PCDHGA4: variants seen among roughly 807,000 people sequenced by gnomAD.
PCDHGA4 encodes protocadherin gamma-A4.
PCDHGA4 carries 38 observed loss-of-function variants against 54.6 expected under a neutral mutation model. The observed-to-expected ratio is 0.70, with a 90% CI of 0.54 to 0.91. PCDHGA4 has a LOEUF of 0.91. Among genes scored for constraint, PCDHGA4 ranks in the 40% least tolerant of loss-of-function variants. The pLI is 0.00. For missense variants in PCDHGA4, 1,298 were observed against 1,220.9 expected, an observed-to-expected ratio of 1.06 and a Z score of -0.94; for synonymous variants, 511 against 512.9, an observed-to-expected ratio of 1.00 and a Z score of 0.05.
chr5:141,403,401 C>T (rs746777998), intron 1 of PCDHGA4: 1 of 1,614,052 alleles, frequency 6.2e-7, no homozygotes, highest in South Asian at 1.1e-5. Context: ...GTTCCTGGAG[C>T]ACGTTATCCA....
intron 1 of PCDHGA4, among the ~76,000 whole-genome samples, chr5:141,464,504 T>A (rs1264652523): frequency 6.6e-6 from 1 of 152,046 alleles, no homozygotes; most frequent in Non-Finnish European, 1.5e-5. Context: ...GATTGCTGCA[T>A]CATAAGGTAA....
At chr5:141,415,810 T>TATATATC in intron 1 of PCDHGA4, 1 of 1,360,418 alleles carries the variant, frequency 7.4e-7, no homozygotes, top group Non-Finnish European at 9.5e-7. Flanking sequence ...AATCAAGGCC[T>TATATATC]ATATATCATA....
chr5:141,435,882 C>G (rs780080571), intron 1 of PCDHGA4, among the ~76,000 whole-genome samples: 1 of 152,060 alleles, frequency 6.6e-6, no homozygotes, highest in African/African-American at 2.4e-5. Context: ...AGATTGGAAA[C>G]CCCTTAGAGA....
intron 3 of PCDHGA4, among the ~76,000 whole-genome samples, chr5:141,510,531 T>C (rs1459536719): frequency 6.6e-6 from 1 of 152,078 alleles, no homozygotes; most frequent in Non-Finnish European, 1.5e-5. Context: ...CTGAGAGAAA[T>C]ACCAGCGAAT....
intron 1 of PCDHGA4, chr5:141,391,390 C>G (rs1268177633): frequency 6.6e-6 from 1 of 151,476 alleles, no homozygotes; most frequent in Non-Finnish European, 1.5e-5. Context: ...ATAGCTCCCT[C>G]CAGCCTCAAA....
In PCDHGA4 at chr5:141,431,746, G is replaced by C. The variant is rs780453684; in HGVS notation, c.2515-63061G>C. 6.2e-7 allele frequency: 1 copy of C among 1,614,062 alleles called. No individual in the cohort carries two copies. Among genetic ancestry groups the C allele is most frequent in the African/African-American group, 1.3e-5 (1 of 74,932 alleles). On this transcript the variant is annotated intron_variant, in intron 1 of 3. Transcript: ENST00000571252. The surrounding 1 kb of genome is among the most constrained non-coding windows in gnomAD (Gnocchi z 4.8). ...CAATGGATAATGCAGGATATTCTGC[G>C]CGAGCCAAAGTCCTGATCACTGTTC... is the stretch of plus-strand genomic sequence containing the variant.
intron 1 of PCDHGA4, among the ~76,000 whole-genome samples, chr5:141,492,869 A>G (rs975868829): frequency 6.6e-6 from 1 of 152,010 alleles, no homozygotes; most frequent in African/African-American, 2.4e-5. Context: ...CTGGCTCTCA[A>G]CCCCCAGAGA....
intron 1 of PCDHGA4, chr5:141,372,230 C>A (rs781407090): frequency 6.2e-7 from 1 of 1,613,346 alleles, no homozygotes; most frequent in Non-Finnish European, 8.5e-7. Context: ...TGCAGGCCAG[C>A]GAGCCCGGGC....
chr5:141,388,937 C>T, intron 1 of PCDHGA4: 1 of 1,613,964 alleles, frequency 6.2e-7, no homozygotes, highest in Non-Finnish European at 8.5e-7. Context: ...AGTCTCTACC[C>T]AACCTAATTA....
intron 1 of PCDHGA4, among the ~76,000 whole-genome samples, chr5:141,460,987 ATATATATATGTG>A (rs2099005819): frequency 1.1e-5 from 1 of 92,944 alleles, no homozygotes; most frequent in Admixed American, 9.9e-5. Flanking sequence ...GTGTGTGTAT[ATATATATATGTG>A]TATATATATA....
intron 1 of PCDHGA4, among the ~76,000 whole-genome samples, chr5:141,381,361 G>T (rs1050283609): frequency 2.0e-5 from 3 of 152,198 alleles, no homozygotes; most frequent in Non-Finnish European, 4.4e-5. Context: ...CTAGCAGAGG[G>T]TAGCCTCGGA....
rs1167812243 is a variant in PCDHGA4, at chr5:141,414,179, C to T, written c.2514+56558C>T. ...GATGGAGGAGCATATCTTGCAACTG[C>T]AAAAGTGTTGATTACAGTAGAAGAT... On this transcript the variant is annotated intron_variant, in intron 1 of 3. Transcript: ENST00000571252. 3 of 1,608,128 alleles carry T rather than the reference C, an allele frequency of 1.9e-6. No individual in the cohort carries two copies. In the South Asian group the frequency reaches 3.3e-5, roughly 18 times the overall value.
Position 141,490,220 on chromosome 5 carries a change from A to G in PCDHGA4, c.2515-4587A>G. 6.2e-7 allele frequency: 1 copy of G among 1,614,252 alleles called. No individual in the cohort carries two copies. Among genetic ancestry groups the G allele is most frequent in the Non-Finnish European group, 8.5e-7 (1 of 1,180,044 alleles). On this transcript the variant is annotated intron_variant, in intron 1 of 3. Coordinates refer to ENST00000571252, the MANE Select transcript of PCDHGA4 (RefSeq NM_018917.4). This position sits in a 1 kb window ranked among gnomAD's most constrained non-coding sequence, Gnocchi z 5.4. The stretch of plus-strand genomic sequence containing the variant: ...CATGCAAGAGCCCGTGACCAGGGAC[A>G]GCCTGCCATGGAGGGCCACTGTGTG...
Position 141,501,290 on chromosome 5 carries a change from TACACACACACACAC to T in PCDHGA4, c.2574-4072_2574-4059del, listed in dbSNP as rs55762287. ...GTCCAGTCTATGGGATATTCCCTTA[TACACACACACACAC>T]ACACACACACACACACACACACACA... On this transcript the variant is annotated intron_variant, in intron 2 of 3. Transcript: ENST00000571252. Among the ~76,000 whole-genome samples, 10 of 136,248 alleles carry T rather than the reference TACACACACACACAC, an allele frequency of 7.3e-5. No homozygotes were observed. In the South Asian group the frequency reaches 1.2e-3, roughly 16 times the overall value. 89.4% of individuals were successfully genotyped at this position (136,248 alleles called of 152,430 possible).
At chr5:141,441,747 G>A in intron 1 of PCDHGA4, 2 of 372,470 alleles carry the variant, frequency 5.4e-6, no homozygotes, top group Non-Finnish European at 5.4e-6. Flanking sequence ...CGCGCTCGGC[G>A]TCAACGTGAG....
In PCDHGA4 at chr5:141,431,339, T is replaced by A. The variant is rs1374646530; in HGVS notation, c.2515-63468T>A. 7.4e-6 allele frequency: 12 copies of A among 1,613,942 alleles called. No homozygotes were observed. In the Admixed American group the frequency reaches 1.2e-4, roughly 16 times the overall value. ...AGCCGACGGTAGTAAGTACCCCGAA[T>A]TGGTGCTGAAACGCGCCCTGGACCG... On this transcript the variant is annotated intron_variant, in intron 1 of 3. Coordinates refer to ENST00000571252, the MANE Select transcript of PCDHGA4 (RefSeq NM_018917.4). This position sits in a 1 kb window ranked among gnomAD's most constrained non-coding sequence, Gnocchi z 4.8.
chr5:141,415,766 TTTTTTTACTTTC>T, intron 1 of PCDHGA4: 1 of 1,295,032 alleles, frequency 7.7e-7, no homozygotes, highest in Admixed American at 3.5e-5. Flanking sequence ...TTTTTTTTTT[TTTTTTTACTTTC>T]TGGTAAAATT....
rs529687184 is a variant in PCDHGA4, at chr5:141,365,180, G to A, written c.2514+7559G>A. 3.0e-5 allele frequency: 48 copies of A among 1,613,844 alleles called. No homozygotes were observed. In the East Asian group the frequency reaches 1.0e-3, roughly 35 times the overall value. ...GAAATTGACCTACTCTTTTCGCAATGAAGAAGAAAAAATTTCGGAGACTTT... is the reference window on the plus strand; with the variant it reads ...GAAATTGACCTACTCTTTTCGCAATAAAGAAGAAAAAATTTCGGAGACTTT... On this transcript the variant is annotated intron_variant, in intron 1 of 3. Coordinates refer to ENST00000571252, the MANE Select transcript of PCDHGA4 (RefSeq NM_018917.4).
At chr5:141,389,424 G>C (rs746873845) in intron 1 of PCDHGA4, 1 of 1,613,390 alleles carries the variant, frequency 6.2e-7, no homozygotes, top group African/African-American at 1.3e-5. Flanking sequence ...GGTGGTGTTC[G>C]CGCAGCGCGC....
Sources: allele counts gnomAD v4.1 joint callset (sites outside exome capture counted in the v4.1 genomes callset), GRCh38; gene constraint gnomAD v4.1.1; non-coding constraint Gnocchi (gnomAD v3.1); transcripts MANE v1.5; gene names NCBI Gene and HGNC (gene_info 2026-07-23, HGNC 2026-07-21).